Variants in TRPC4AP observed in about 807,000 individuals in gnomAD.
The protein encoded by TRPC4AP is short transient receptor potential channel 4-associated protein.
Under a neutral mutation model 99.0 loss-of-function variants are expected in TRPC4AP, and 45 were observed. The observed-to-expected ratio is 0.45, with a 90% CI of 0.36 to 0.58. The LOEUF is 0.58. Among genes scored for constraint, TRPC4AP ranks in the 20% least tolerant of loss-of-function variants. TRPC4AP has a pLI of 0.00. For missense variants in TRPC4AP, 879 were observed against 985.3 expected (o/e 0.89, Z 1.44); for synonymous variants, 408 against 385.8 (o/e 1.06, Z -0.67).
chr20:35,024,844 A>C (rs564783003), intron 8 of TRPC4AP, among the ~76,000 whole-genome samples: 7,442 of 124,782 alleles, frequency 0.06, 754 homozygotes, highest in South Asian at 0.09. Flanking sequence ...AAAAAAAAAA[A>C]AAAAAAAAAA....
chr20:35,058,687 CTTTT>C (rs71196781), intron 3 of TRPC4AP, among the ~76,000 whole-genome samples: 53 of 110,348 alleles, frequency 4.8e-4, no homozygotes, highest in Middle Eastern at 5.7e-3. Flanking sequence ...AAAGAAAATT[CTTTT>C]TTTTTTTTTT....
At chr20:35,006,874 G>A (rs1054489509) in intron 14 of TRPC4AP, among the ~76,000 whole-genome samples, 17 of 152,256 alleles carry the variant, frequency 1.1e-4, no homozygotes, top group African/African-American at 3.9e-4. Flanking sequence ...CAGCTCCTAG[G>A]TGAGGGGAGC....
chr20:35,044,697 C>G lies in TRPC4AP; in HGVS notation c.673G>C (p.Asp225His). The change falls in exon 7 of 19, where the codon GAT becomes CAT. Residue 225 changes from aspartate to histidine, a missense_variant. Around this residue, in one of 3 missense-constraint regions of TRPC4AP, gnomAD observed 603 missense variants for 631.8 expected, o/e 0.95. Coordinates refer to ENST00000252015, the MANE Select transcript of TRPC4AP (RefSeq NM_015638.3). Reference sequence around the variant, plus strand: ...AAGGAACTCAGATTGGGGACTTCATCTAGTCGGATCATTTCCTACAGAAGA... The same window carrying G: ...AAGGAACTCAGATTGGGGACTTCATGTAGTCGGATCATTTCCTACAGAAGA... ...LGVKKEMIRLDEVPNLSSLVS... is the reference protein window; with the variant it reads ...LGVKKEMIRLHEVPNLSSLVS... 4 of 1,614,160 alleles carry G rather than the reference C, an allele frequency of 2.5e-6. No homozygotes were observed. The highest frequency in any genetic ancestry group is 3.4e-6 in the Non-Finnish European group (4 of 1,179,996).
chr20:35,005,463 G>A (rs1424461251), intron 16 of TRPC4AP, among the ~76,000 whole-genome samples: 1 of 152,210 alleles, frequency 6.6e-6, no homozygotes, highest in Non-Finnish European at 1.5e-5. Context: ...GAAGAGGAAG[G>A]TCTTTTTCTG....
intron 6 of TRPC4AP, among the ~76,000 whole-genome samples, chr20:35,049,602 G>C (rs11907019): frequency 6.6e-6 from 1 of 152,190 alleles, no homozygotes; most frequent in African/African-American, 2.4e-5. Context: ...AAAGTAACAT[G>C]AGGCATCACC....
chr20:35,021,729 G>A (rs931445632), intron 8 of TRPC4AP, among the ~76,000 whole-genome samples: 3 of 152,166 alleles, frequency 2.0e-5, no homozygotes, highest in African/African-American at 4.8e-5. Flanking sequence ...TCTTCAAGTC[G>A]CAAATGGCCC....
intron 15 of TRPC4AP, among the ~76,000 whole-genome samples, chr20:35,006,030 C>A (rs1416785871): frequency 2.0e-5 from 3 of 152,220 alleles, no homozygotes; most frequent in Non-Finnish European, 2.9e-5. Context: ...AGTGGTTTTA[C>A]GCTCAAGGGT....
In TRPC4AP at chr20:35,021,181, G is replaced by A; in HGVS notation, c.1218+9C>T. The A allele has an allele frequency of 6.2e-7, 1 of 1,608,298 alleles. No individual in the cohort carries two copies. Among genetic ancestry groups the A allele is most frequent in the Non-Finnish European group, 8.5e-7 (1 of 1,175,900 alleles). ...TCCCCGTGTCCTGAGACGCTGGAGAGGGGCCCACCTGGTTTCGCTGACGCC... is the reference window on the plus strand; with the variant it reads ...TCCCCGTGTCCTGAGACGCTGGAGAAGGGCCCACCTGGTTTCGCTGACGCC... On this transcript the variant is annotated intron_variant, in intron 9 of 18. Coordinates refer to ENST00000252015, the MANE Select transcript of TRPC4AP (RefSeq NM_015638.3).
chr20:35,032,717 C>T (rs2083230518), intron 8 of TRPC4AP, among the ~76,000 whole-genome samples: 1 of 151,994 alleles, frequency 6.6e-6, no homozygotes, highest in Non-Finnish European at 1.5e-5. Flanking sequence ...CGTGATCCGC[C>T]CGCCTCAGCC....
In TRPC4AP at chr20:35,090,723, A is replaced by G. The variant is rs932563594; in HGVS notation, c.168+1891T>C. Among the ~76,000 whole-genome samples the G allele has an allele frequency of 2.0e-5, 3 of 152,106 alleles. No individual in the cohort carries two copies. In the South Asian group the frequency reaches 6.2e-4, roughly 31 times the overall value. ...CCCATTCTAAGTCATTCAGCACTGG[A>G]AACAAATTAAGTTGCCTAAATTGCC... On this transcript the variant is annotated intron_variant, in intron 1 of 18. Transcript: ENST00000252015.
intron 4 of TRPC4AP, among the ~76,000 whole-genome samples, chr20:35,056,580 T>C (rs1055574857): frequency 1.3e-5 from 2 of 152,106 alleles, no homozygotes; most frequent in Admixed American, 6.5e-5. Context: ...AAAAATCTTT[T>C]AAATTAAAAA....
chr20:35,010,943 G>C (rs1373418069), intron 11 of TRPC4AP, among the ~76,000 whole-genome samples: 1 of 152,126 alleles, frequency 6.6e-6, no homozygotes. Context: ...TAAACCCATC[G>C]TATTTGAAAA....
At chr20:35,042,968 C>CT (rs1189445196) in intron 7 of TRPC4AP, among the ~76,000 whole-genome samples, 1 of 152,140 alleles carries the variant, frequency 6.6e-6, no homozygotes, top group Non-Finnish European at 1.5e-5. Flanking sequence ...CTTGTGTACC[C>CT]TTTGTTTCTT....
chr20:35,021,403 A>G, intron 8 of TRPC4AP, 47 bp from the exon 9 acceptor site: 1 of 1,596,932 alleles, frequency 6.3e-7, no homozygotes, highest in Non-Finnish European at 8.5e-7. Context: ...TTGTGAGGAA[A>G]CACGTTTCTG....
intron 1 of TRPC4AP, among the ~76,000 whole-genome samples, chr20:35,091,418 T>C (rs970174578): frequency 2.6e-5 from 4 of 152,140 alleles, no homozygotes; most frequent in Admixed American, 2.0e-4. Flanking sequence ...TTTTATTCTA[T>C]CCTTTTCGTC....
chr20:35,077,788 G>A (rs1003476524), intron 2 of TRPC4AP, among the ~76,000 whole-genome samples: 2 of 152,106 alleles, frequency 1.3e-5, no homozygotes, highest in African/African-American at 4.8e-5. Flanking sequence ...AATTAAGCAA[G>A]CACTGCCACA....
intron 3 of TRPC4AP, among the ~76,000 whole-genome samples, chr20:35,061,651 A>T (rs2084011222): frequency 6.6e-6 from 1 of 152,228 alleles, no homozygotes; most frequent in Non-Finnish European, 1.5e-5. Context: ...TGACAACTGG[A>T]TAGTCACATG....
Position 35,038,186 on chromosome 20 carries a change from G to C in TRPC4AP, c.866-2878C>G, listed in dbSNP as rs1381924998. Among the ~76,000 whole-genome samples, 3 of 150,742 alleles carry C rather than the reference G, an allele frequency of 2.0e-5. No homozygotes were observed. The East Asian group carries it at 5.8e-4, about 29-fold the overall frequency. ...CACTGTAAATGTACTAAATGCCGCTGAGTTGTTCACTTTAAGACGGCTAAT... is the reference window on the plus strand; with the variant it reads ...CACTGTAAATGTACTAAATGCCGCTCAGTTGTTCACTTTAAGACGGCTAAT... On this transcript the variant is annotated intron_variant, in intron 7 of 18. Coordinates refer to ENST00000252015, the MANE Select transcript of TRPC4AP (RefSeq NM_015638.3).
intron 15 of TRPC4AP, among the ~76,000 whole-genome samples, chr20:35,006,100 G>A (rs1334413572): frequency 6.6e-6 from 1 of 152,120 alleles, no homozygotes; most frequent in Non-Finnish European, 1.5e-5. Flanking sequence ...CTGGGTTTCT[G>A]TCACACACAC....
Sources: gnomAD v4.1 joint callset for allele counts (sites outside exome capture counted in the v4.1 genomes callset) on GRCh38, gnomAD v4.1.1 for gene constraint, gnomAD v4.1.1 regional missense constraint, MANE v1.5 for transcripts, NCBI Gene and HGNC (gene_info 2026-07-23, HGNC 2026-07-21) for gene names.